Variants in TTC24 observed in about 807,000 individuals in gnomAD.
TTC24 encodes tetratricopeptide repeat protein 24.
TTC24 carries 54 observed loss-of-function variants against 63.3 expected under a neutral mutation model. The ratio of observed to expected loss-of-function variants is 0.85; its 90% CI spans 0.69 to 1.07. The LOEUF is 1.07. Ranked by LOEUF, TTC24 falls within the 50% of genes least tolerant of loss-of-function variation. The pLI is 0.00. For missense variants in TTC24, 680 were observed against 730.5 expected (o/e 0.93, Z 0.80); for synonymous variants, 276 against 304.3 (o/e 0.91, Z 0.97).
chr1:156,584,620 C>T (rs747684791), intron 6 of TTC24: 113 of 363,130 alleles, frequency 3.1e-4, no homozygotes, highest in East Asian at 1.4e-3. Flanking sequence ...TGTGACTTTA[C>T]GGTATCAGGC....
At position 156,583,697 on chromosome 1, in the gene TTC24, C is replaced by T. The variant is rs539091365; in HGVS notation, c.1153-100C>T. 224 of 986,590 alleles carry T rather than the reference C, an allele frequency of 2.3e-4. 3 individuals carry two copies. In the Admixed American group the frequency reaches 5.3e-3, roughly 24 times the overall value. The allele number at this position is 986,590 out of a possible 1,614,324, so 61.1% of individuals were successfully genotyped here. ...GGGTAGAAGAGAGGGGAAACAAAGC[C>T]CCCCTCCCCCCTCCCTTTCCTGTTT... is the stretch of plus-strand genomic sequence containing the variant. On this transcript the variant is annotated intron_variant, in intron 5 of 10. Transcript: ENST00000368236. This position sits in a 1 kb window ranked among gnomAD's most constrained non-coding sequence, Gnocchi z 4.0.
In TTC24 at chr1:156,582,227, C is replaced by A; in HGVS notation, c.707-4C>A. ...CTACCAGTGACCCTGGCTATTCCCT[C>A]TAGGGCACCTCTATAACGATCTAGG... On this transcript the variant is annotated splice_polypyrimidine_tract_variant and splice_region_variant and intron_variant, in intron 2 of 10. Transcript: ENST00000368236. 1 of 1,549,678 alleles carries A rather than the reference C, an allele frequency of 6.5e-7. No individual in the cohort carries two copies. Among genetic ancestry groups the A allele is most frequent in the Non-Finnish European group, 8.7e-7 (1 of 1,145,670 alleles).
chr1:156,585,675 G>A lies in TTC24; in HGVS notation c.1457-38G>A, dbSNP rs748399318. ...CAGGGAGCAGAGTTCTTTGCTACTT[G>A]TTGAGCTGACCTGAATTTACCGATG... On this transcript the variant is annotated intron_variant, in intron 8 of 10. Coordinates refer to ENST00000368236, the MANE Select transcript of TTC24 (RefSeq NM_001105669.4). The A allele has an allele frequency of 2.1e-6, 3 of 1,457,338 alleles. No homozygotes were observed. In the African/African-American group the frequency reaches 4.2e-5, roughly 20 times the overall value. The allele number at this position is 1,457,338 out of a possible 1,614,324, so 90.3% of individuals were successfully genotyped here.
chr1:156,581,470 A>G lies in TTC24; in HGVS notation c.106A>G (p.Ile36Val), dbSNP rs1229044851. ...KRKWLRQEASIQALTRAGHGA... is the reference protein window; with the variant it reads ...KRKWLRQEASVQALTRAGHGA... ...AAAGTGGCTGCGGCAAGAAGCCAGC[A>G]TCCAAGCCCTCACCAGGGCTGGCCA... Residue 36 changes from isoleucine (I) to valine (V), a missense_variant, in exon 2 of 11, where the codon ATC becomes GTC. By Grantham distance (29) the Ile-to-Val change is conservative. Transcript: ENST00000368236. 2 of 1,550,994 alleles carry G rather than the reference A, an allele frequency of 1.3e-6. No homozygotes were observed. Among genetic ancestry groups the G allele is most frequent in the Non-Finnish European group, 1.7e-6 (2 of 1,146,676 alleles).
In TTC24 at chr1:156,586,164, T is replaced by C. The variant is rs1305219240; in HGVS notation, c.1667+119T>C. ...GAAGTTGGGGGAAGCTGGGATCTCA[T>C]GCTTGGGATATAGGGCCCCGAGCCC... On this transcript the variant is annotated intron_variant, in intron 10 of 10. Transcript: ENST00000368236. 20 of 815,406 alleles carry C rather than the reference T, an allele frequency of 2.5e-5. No individual in the cohort carries two copies. The East Asian group carries it at 2.9e-4, about 12-fold the overall frequency. 50.5% of individuals were successfully genotyped at this position (815,406 alleles called of 1,614,324 possible).
rs1256435377 is a variant in TTC24, at chr1:156,583,153, A to G, written c.1022A>G (p.Gln341Arg). The G allele has an allele frequency of 5.0e-6, 8 of 1,611,762 alleles. No homozygotes were observed. The highest frequency in any genetic ancestry group is 6.8e-6 in the Non-Finnish European group (8 of 1,179,168). ...AGAGACAACTACCTGCATGCCCTGC[A>G]GGCTGCCCGGGACTCTGGTAAGCGT... ...AARDNYLHAL[Q>R]AARDSGDMKG... is the part of the protein sequence containing the mutation. The change falls in exon 4 of 11, where the codon CAG becomes CGG. Residue 341 changes from glutamine (Q) to arginine (R), a missense_variant. Physicochemically the swap from Gln to Arg is conservative, Grantham distance 43 (BLOSUM62 1). Transcript: ENST00000368236. This position sits in a 1 kb window ranked among gnomAD's most constrained non-coding sequence, Gnocchi z 4.0.
chr1:156,582,169 G>A, intron 2 of TTC24, 62 bp from the exon 3 acceptor site: 1 of 1,492,226 alleles, frequency 6.7e-7, no homozygotes, highest in Non-Finnish European at 9.0e-7. Flanking sequence ...GAGTCGATAG[G>A]GGCTGTACCA....
In TTC24 at chr1:156,581,477, C is replaced by A; in HGVS notation, c.113C>A (p.Ala38Asp). Residue 38 changes from alanine (A) to aspartate (D), a missense_variant, in exon 2 of 11, where the codon GCC (alanine) becomes GAC (aspartate). Physicochemically the swap from Ala to Asp is moderately radical, Grantham distance 126. Coordinates refer to ENST00000368236, the MANE Select transcript of TTC24 (RefSeq NM_001105669.4). ...CTGCGGCAAGAAGCCAGCATCCAAG[C>A]CCTCACCAGGGCTGGCCATGGGGCC... ...KWLRQEASIQ[A>D]LTRAGHGALQ... 1 of 1,551,366 alleles carries A rather than the reference C, an allele frequency of 6.4e-7. No homozygotes were observed. The highest frequency in any genetic ancestry group is 2.4e-5 in the East Asian group (1 of 40,902).
Position 156,583,905 on chromosome 1 carries a change from C to T in TTC24, c.1251+10C>T. The T allele has an allele frequency of 6.4e-7, 1 of 1,566,680 alleles. No homozygotes were observed. Among genetic ancestry groups the T allele is most frequent in the Non-Finnish European group, 8.7e-7 (1 of 1,154,680 alleles). ...CCAGACTCACACCCTGGTGAGATGA[C>T]ACCTGAGACAAGGAGATGGGGGTGG... On this transcript the variant is annotated intron_variant, in intron 6 of 10. Transcript: ENST00000368236. This position sits in a 1 kb window ranked among gnomAD's most constrained non-coding sequence, Gnocchi z 4.0.
In TTC24 at chr1:156,584,964, G is replaced by A. The variant is rs770901255; in HGVS notation, c.1339G>A (p.Val447Ile). 55 of 1,596,940 alleles carry A rather than the reference G, an allele frequency of 3.4e-5. No homozygotes were observed. The highest frequency in any genetic ancestry group is 4.5e-5 in the Non-Finnish European group (53 of 1,171,760). The change falls in exon 7 of 11, where the codon GTC becomes ATC. Residue 447 changes from valine (V) to isoleucine (I), a missense_variant. Transcript: ENST00000368236. ...AAAGGCAGGAAGCAGCACAGCAGGT[G>A]TCCAGCACAGGTGAGGGTGGGAATG... is the stretch of plus-strand genomic sequence containing the variant. ...PAKAGSSTAGVQHRSSSGWED... is the reference protein window; with the variant it reads ...PAKAGSSTAGIQHRSSSGWED...
chr1:156,582,171 G>T, intron 2 of TTC24, 60 bp from the exon 3 acceptor site: 1 of 1,494,846 alleles, frequency 6.7e-7, no homozygotes, highest in Non-Finnish European at 9.0e-7. Context: ...GTCGATAGGG[G>T]CTGTACCAGC....
Position 156,583,314 on chromosome 1 carries a change from C to T in TTC24, c.1040-24C>T. On this transcript the variant is annotated intron_variant, in intron 4 of 10. Coordinates refer to ENST00000368236, the MANE Select transcript of TTC24 (RefSeq NM_001105669.4). This position sits in a 1 kb window ranked among gnomAD's most constrained non-coding sequence, Gnocchi z 4.0. ...AGTGGGGTAGGAAGTCATGAAAGGACCTTCCAGGCTCTCTTTCTCTCAGGG... is the reference window on the plus strand; with the variant it reads ...AGTGGGGTAGGAAGTCATGAAAGGATCTTCCAGGCTCTCTTTCTCTCAGGG... 1 of 1,610,818 alleles carries T rather than the reference C, an allele frequency of 6.2e-7. No homozygotes were observed. The highest frequency in any genetic ancestry group is 8.5e-7 in the Non-Finnish European group (1 of 1,178,286).
Position 156,581,804 on chromosome 1 carries a change from A to T in TTC24, c.440A>T (p.Tyr147Phe), listed in dbSNP as rs558031656. The T allele has an allele frequency of 2.6e-6, 4 of 1,551,240 alleles. No homozygotes were observed. The highest frequency in any genetic ancestry group is 3.5e-6 in the Non-Finnish European group (4 of 1,146,974). The change falls in exon 2 of 11, where the codon TAC (tyrosine) becomes TTC (phenylalanine). Residue 147 changes from tyrosine (Y) to phenylalanine (F), a missense_variant. Physicochemically the swap from Tyr to Phe is conservative, Grantham distance 22 (BLOSUM62 3). Transcript: ENST00000368236. ...TGGTACCACAGGGCCCTGGGCCACT[A>T]CCAGCCACAGGGTGACCAGGGAGAA... is the stretch of plus-strand genomic sequence containing the variant. ...LAWYHRALGH[Y>F]QPQGDQGEAW... is the part of the protein sequence containing the mutation.
rs1302163984 is a variant in TTC24, at chr1:156,585,210, G to A, written c.1435G>A (p.Ala479Thr). The A allele has an allele frequency of 1.2e-6, 2 of 1,612,846 alleles. No individual in the cohort carries two copies. Among genetic ancestry groups the A allele is most frequent in the Admixed American group, 1.7e-5 (1 of 59,868 alleles). ...GAGGTCGGCAAACGTTCCGGTGAGGGCTGGGCCGGGAAGACCAGAGCGTGA... is the reference window on the plus strand; with the variant it reads ...GAGGTCGGCAAACGTTCCGGTGAGGACTGGGCCGGGAAGACCAGAGCGTGA... Reference protein sequence around the residue: ...EERSANVPVRAGPGRPELCFL... With the variant: ...EERSANVPVRTGPGRPELCFL... The change falls in exon 8 of 11, where the codon GCT becomes ACT. Residue 479 changes from alanine to threonine, a missense_variant. Coordinates refer to ENST00000368236, the MANE Select transcript of TTC24 (RefSeq NM_001105669.4).
At chr1:156,582,988 T>C in intron 3 of TTC24, 54 bp from the exon 4 acceptor site, 1 of 1,566,770 alleles carries the variant, frequency 6.4e-7, no homozygotes, top group East Asian at 2.3e-5. Flanking sequence ...GGTGGGGTCC[T>C]GATGTCCCAG....
Position 156,582,315 on chromosome 1 carries a change from C to T in TTC24, c.791C>T (p.Pro264Leu). The T allele has an allele frequency of 2.5e-6, 4 of 1,596,048 alleles. No homozygotes were observed. Among genetic ancestry groups the T allele is most frequent in the Non-Finnish European group, 3.4e-6 (4 of 1,171,760 alleles). ...LAVEAFLQAL[P>L]LCWVPGEQAT... ...GTGGAGGCCTTCCTGCAGGCCCTGC[C>T]CCTGTGCTGGGTGCCAGGAGAGCAG... Residue 264 changes from proline (P) to leucine (L), a missense_variant, in exon 3 of 11, where the codon CCC (proline) becomes CTC (leucine). By Grantham distance (98) the Pro-to-Leu change is moderately conservative. Transcript: ENST00000368236.
chr1:156,582,584 G>A (rs1173348471), intron 3 of TTC24, 150 bp downstream of exon 3: 2 of 736,358 alleles, frequency 2.7e-6, no homozygotes, highest in Non-Finnish European at 4.4e-6. Context: ...GGAAGTGCAG[G>A]AGATGGGACA....
rs373820858 is a variant in TTC24 at position 156,582,265 on chromosome 1, C to T, written c.741C>T (p.Ser247=). The T allele has an allele frequency of 6.0e-5, 94 of 1,554,344 alleles. No individual in the cohort carries two copies. The highest frequency in any genetic ancestry group is 7.5e-5 in the Non-Finnish European group (86 of 1,148,786). ...ATAACGATCTAGGCCTGGGCTACTC[C>T]CAGCTCCAGCTGTTCCCGCTGGCCG... ...HLYNDLGLGY[S]QLQLFPLAVE... The change falls in exon 3 of 11, where the codon TCC becomes TCT. Residue 247 remains serine (S), a synonymous_variant. Transcript: ENST00000368236.
At chr1:156,580,745 G>A (rs1676968864) in intron 1 of TTC24, among the ~76,000 whole-genome samples, 1 of 152,084 alleles carries the variant, frequency 6.6e-6, no homozygotes, top group African/African-American at 2.4e-5. Context: ...CAAAATGCTG[G>A]GATTACTGGT....
Sources: allele counts gnomAD v4.1 joint callset (sites outside exome capture counted in the v4.1 genomes callset), GRCh38; gene constraint gnomAD v4.1.1; non-coding constraint Gnocchi (gnomAD v3.1); transcripts MANE v1.5; gene names NCBI Gene and HGNC (gene_info 2026-07-23, HGNC 2026-07-21).